Variants in MAGEC3 observed in about 807,000 individuals in gnomAD.
MAGEC3 encodes the protein melanoma-associated antigen C3.
A neutral mutation model predicts 35.3 loss-of-function variants in MAGEC3; 34 were observed. The ratio of observed to expected loss-of-function variants is 0.96; its 90% confidence interval spans 0.73 to 1.28. The LOEUF is 1.28. Ranked by LOEUF, MAGEC3 falls within the 50% of genes most tolerant of loss-of-function variation. MAGEC3 has a pLI of 0.00. For synonymous variants in MAGEC3, 202 were observed against 185.6 expected, an observed-to-expected ratio of 1.09 and a Z score of -0.72; for missense variants, 561 against 483.6, an observed-to-expected ratio of 1.16 and a Z score of -1.50.
intron 4 of MAGEC3, among the ~76,000 whole-genome samples, chrX:141,892,678 T>C (rs748095474): frequency 9.0e-6 from 1 of 111,370 alleles, no homozygotes; most frequent in South Asian, 3.7e-4. Flanking sequence ...GTCAAACTTA[T>C]GGGGGCAAAC....
rs1946957075 is a variant in MAGEC3, at chrX:141,895,351, A to G, written c.992A>G (p.Glu331Gly). 1 of 1,210,870 alleles carries G rather than the reference A, an allele frequency of 8.3e-7. No individual in the cohort carries two copies. The highest frequency in any genetic ancestry group is 1.1e-6 in the Non-Finnish European group (1 of 895,190). Residue 331 changes from glutamate (E) to glycine (G), a missense_variant, in exon 5 of 8, where the codon GAG becomes GGG. Transcript: ENST00000298296. The stretch of plus-strand genomic sequence containing the variant: ...TCTGAAGGACCTGAAGCATTTTGCG[A>G]GGAGTCTGGACTCAGGTCAGCAGAG... ...WESEGPEAFC[E>G]ESGLRSAEGS...
At chrX:141,893,222 GA>G (rs922422382) in intron 4 of MAGEC3, among the ~76,000 whole-genome samples, 12 of 111,905 alleles carry the variant, frequency 1.1e-4, no homozygotes, top group Middle Eastern at 4.2e-3. Flanking sequence ...TGAGCAACAG[GA>G]GCTTTCAGTC....
At chrX:141,894,835 G>A (rs957300611) in intron 4 of MAGEC3, 38 of 927,090 alleles carry the variant, frequency 4.1e-5, no homozygotes, top group Middle Eastern at 6.3e-4. Flanking sequence ...AGAGGTGGGC[G>A]AAGGGCAGGG....
chrX:141,879,439 G>A lies in MAGEC3; in HGVS notation c.515+8G>A. Reference sequence around the variant, plus strand: ...GGGGGAGAAAGCGGGGAGGTGGGCAGGGAAATATGGACGAGGGCTTTGAAG... The same window carrying A: ...GGGGGAGAAAGCGGGGAGGTGGGCAAGGAAATATGGACGAGGGCTTTGAAG... On this transcript the variant is annotated splice_region_variant and intron_variant, in intron 3 of 7. Coordinates refer to ENST00000298296, the MANE Select transcript of MAGEC3 (RefSeq NM_138702.1). The A allele has an allele frequency of 8.6e-7, 1 of 1,168,951 alleles. No individual in the cohort carries two copies. Among genetic ancestry groups the A allele is most frequent in the Non-Finnish European group, 1.1e-6 (1 of 872,071 alleles).
intron 1 of MAGEC3, among the ~76,000 whole-genome samples, chrX:141,863,595 A>G (rs1264083697): frequency 1.8e-5 from 2 of 112,023 alleles, no homozygotes; most frequent in Non-Finnish European, 3.8e-5. Flanking sequence ...GTATTTTCTT[A>G]TCAATTTGTT....
chrX:141,839,589 A>G (rs1380554003), intron 1 of MAGEC3: 1 of 752,548 alleles, frequency 1.3e-6, no homozygotes, highest in Non-Finnish European at 1.6e-6. Flanking sequence ...CACAGCTGCA[A>G]TCCCAAGCTT....
chrX:141,889,084 T>C (rs1174479631), intron 4 of MAGEC3, among the ~76,000 whole-genome samples: 2 of 112,062 alleles, frequency 1.8e-5, no homozygotes, highest in Non-Finnish European at 3.8e-5. Context: ...AGTGTGACAG[T>C]GGGCTCATGC....
At chrX:141,889,096 C>T (rs2018022766) in intron 4 of MAGEC3, among the ~76,000 whole-genome samples, 1 of 111,938 alleles carries the variant, frequency 8.9e-6, no homozygotes, top group Non-Finnish European at 1.9e-5. Flanking sequence ...GGCTCATGCT[C>T]ATGGAATTCG....
At chrX:141,867,047 A>C (rs1045847219) in intron 2 of MAGEC3, among the ~76,000 whole-genome samples, 10 of 110,539 alleles carry the variant, frequency 9.0e-5, no homozygotes, top group Non-Finnish European at 1.7e-4. Flanking sequence ...AAAAAAAAAA[A>C]CCACCACTAA....
At chrX:141,838,830 T>C (rs1306100402) in intron 1 of MAGEC3, 12 of 751,482 alleles carry the variant, frequency 1.6e-5, no homozygotes, top group South Asian at 6.9e-5. Context: ...GATGCCTATG[T>C]CCCTGGGGCA....
At chrX:141,891,175 TG>T (rs2018038433) in intron 4 of MAGEC3, among the ~76,000 whole-genome samples, 1 of 111,249 alleles carries the variant, frequency 9.0e-6, no homozygotes, top group Non-Finnish European at 1.9e-5. Context: ...CTCCTCTTCT[TG>T]TGAAGACGCC....
At chrX:141,885,277 T>C (rs1221489546) in intron 4 of MAGEC3, among the ~76,000 whole-genome samples, 1 of 110,652 alleles carries the variant, frequency 9.0e-6, no homozygotes, top group Non-Finnish European at 1.9e-5. Context: ...TGTGGGATAA[T>C]GGTGGAAGGA....
At chrX:141,849,974 G>C (rs2017740516) in intron 1 of MAGEC3, among the ~76,000 whole-genome samples, 1 of 111,140 alleles carries the variant, frequency 9.0e-6, no homozygotes, top group Non-Finnish European at 1.9e-5. Flanking sequence ...AATCAACCTA[G>C]GTGCCCATCA....
intron 4 of MAGEC3, among the ~76,000 whole-genome samples, chrX:141,890,498 C>G (rs1034197577): frequency 1.8e-5 from 2 of 111,735 alleles, no homozygotes; most frequent in African/African-American, 6.5e-5. Context: ...TGAGCCCCAC[C>G]ACACCTGGCC....
At chrX:141,850,706 G>C (rs2017746179) in intron 1 of MAGEC3, among the ~76,000 whole-genome samples, 1 of 111,327 alleles carries the variant, frequency 9.0e-6, no homozygotes, top group Non-Finnish European at 1.9e-5. Flanking sequence ...CAGACAAATT[G>C]ACATATAAAA....
intron 2 of MAGEC3, among the ~76,000 whole-genome samples, chrX:141,872,122 GA>G (rs772059712): frequency 9.0e-6 from 1 of 111,091 alleles, no homozygotes; most frequent in East Asian, 2.9e-4. Context: ...AAAAAAGGCT[GA>G]AAATAGAGAA....
intron 1 of MAGEC3, among the ~76,000 whole-genome samples, chrX:141,840,427 A>G (rs764026854): frequency 8.9e-6 from 1 of 112,297 alleles, no homozygotes; most frequent in African/African-American, 3.2e-5. Flanking sequence ...ATTTAGCACA[A>G]GATTTTGCAT....
chrX:141,891,173 C>A (rs1260474410), intron 4 of MAGEC3, among the ~76,000 whole-genome samples: 1 of 111,206 alleles, frequency 9.0e-6, no homozygotes, highest in Non-Finnish European at 1.9e-5. Flanking sequence ...ATCTCCTCTT[C>A]TTGTGAAGAC....
chrX:141,867,046 AACC>A (rs2017853806), intron 2 of MAGEC3, among the ~76,000 whole-genome samples: 1 of 111,045 alleles, frequency 9.0e-6, no homozygotes, highest in African/African-American at 3.3e-5. Context: ...GAAAAAAAAA[AACC>A]ACCACTAATT....
Sources: gnomAD v4.1 joint callset for allele counts (sites outside exome capture counted in the v4.1 genomes callset) on GRCh38, gnomAD v4.1.1 for gene constraint, MANE v1.5 for transcripts, NCBI Gene and HGNC (gene_info 2026-07-23, HGNC 2026-07-21) for gene names.